CUX1: variants seen among roughly 807,000 people sequenced by gnomAD.
The protein encoded by CUX1 is cut like homeobox 1, also known as protein CASP.
A neutral mutation model predicts 158.8 loss-of-function variants in CUX1; 31 were observed. The ratio of observed to expected loss-of-function variants is 0.20; its 90% confidence interval spans 0.15 to 0.26. CUX1 has a LOEUF of 0.26. Ranked by LOEUF, CUX1 falls within the 10% of genes least tolerant of loss-of-function variation. CUX1 has a pLI of 1.00. For synonymous variants in CUX1, 879 were observed against 862.1 expected (o/e 1.02, Z -0.34); for missense variants, 1,589 against 2,014.6 (o/e 0.79, Z 4.04).
At chr7:102,179,040 T>C (rs1315195083) in intron 11 of CUX1, among the ~76,000 whole-genome samples, 1 of 152,118 alleles carries the variant, frequency 6.6e-6, no homozygotes, top group African/African-American at 2.4e-5. Flanking sequence ...TATTTGTTTA[T>C]TTATTTATTC....
intron 2 of CUX1, among the ~76,000 whole-genome samples, chr7:101,994,884 G>A (rs551448492): frequency 4.9e-5 from 7 of 141,986 alleles, no homozygotes; most frequent in African/African-American, 1.3e-4. Flanking sequence ...GAGCCCAGGA[G>A]TTCAAGACCA....
At chr7:102,163,228 ATAGT>A (rs1790647967) in intron 9 of CUX1, among the ~76,000 whole-genome samples, 4 of 152,218 alleles carry the variant, frequency 2.6e-5, no homozygotes, top group African/African-American at 9.6e-5. Flanking sequence ...GGCGGTGCCT[ATAGT>A]ACCGGCAGTT....
chr7:102,250,057 A>G lies in CUX1; in HGVS notation c.*1015A>G, dbSNP rs1190402159. 1.9e-5 allele frequency: 19 copies of G among 979,272 alleles called. No homozygotes were observed. Among genetic ancestry groups the G allele is most frequent in the African/African-American group, 5.4e-5 (3 of 55,828 alleles). The allele number at this position is 979,272 out of a possible 1,614,324, so 60.7% of individuals were successfully genotyped here. On this transcript the variant is annotated 3_prime_UTR_variant, in exon 24 of 24. Coordinates refer to ENST00000292535, the MANE Select transcript of CUX1 (RefSeq NM_181552.4). The stretch of plus-strand genomic sequence containing the variant: ...CCAAATCAGGACAAAAAAAAGAAAA[A>G]AAAAGAAAAAAAAAAAAGAAAAGAT...
chr7:102,216,709 T>TC (rs1554524932), intron 20 of CUX1, among the ~76,000 whole-genome samples: 2 of 95,368 alleles, frequency 2.1e-5, no homozygotes, highest in African/African-American at 8.8e-5. Context: ...CCACACGCAC[T>TC]CTCCACACAC....
intron 1 of CUX1, among the ~76,000 whole-genome samples, chr7:101,825,798 T>TGTGTGTGCGC (rs1362738281): frequency 3.7e-4 from 29 of 78,408 alleles, no homozygotes; most frequent in East Asian, 6.4e-4. Flanking sequence ...TGTGTGTGTG[T>TGTGTGTGCGC]GCGCGCGCGC....
At chr7:102,061,763 A>C (rs1824905187) in intron 3 of CUX1, among the ~76,000 whole-genome samples, 1 of 152,178 alleles carries the variant, frequency 6.6e-6, no homozygotes, top group Admixed American at 6.5e-5. Flanking sequence ...GGCCGGTCAC[A>C]GTGGCTCATG....
At chr7:101,874,888 T>C (rs1184649013) in intron 1 of CUX1, among the ~76,000 whole-genome samples, 1 of 152,222 alleles carries the variant, frequency 6.6e-6, no homozygotes, top group Non-Finnish European at 1.5e-5. Flanking sequence ...CATCACACCT[T>C]CTGACACCAG....
At chr7:102,161,774 AT>A (rs1303395890) in intron 9 of CUX1, among the ~76,000 whole-genome samples, 1 of 151,928 alleles carries the variant, frequency 6.6e-6, no homozygotes, top group East Asian at 1.9e-4. Context: ...TGCCCAGCTA[AT>A]TTTTATAGTT....
At chr7:102,000,951 G>A (rs1225068362) in intron 2 of CUX1, among the ~76,000 whole-genome samples, 1 of 152,054 alleles carries the variant, frequency 6.6e-6, no homozygotes, top group East Asian at 1.9e-4. Context: ...CTGTTTATTT[G>A]TATTTTTGTA....
At chr7:102,195,476 C>T (rs1367618153) in intron 13 of CUX1, 31 bp from the exon 14 acceptor site, 3 of 1,581,100 alleles carry the variant, frequency 1.9e-6, no homozygotes, top group East Asian at 2.3e-5. Context: ...TGGCCGGCCC[C>T]GCAGTGAGAC....
chr7:102,203,542 G>A (rs1009959679), intron 18 of CUX1, among the ~76,000 whole-genome samples: 1 of 152,246 alleles, frequency 6.6e-6, no homozygotes, highest in Non-Finnish European at 1.5e-5. Flanking sequence ...TTCTAGTTCA[G>A]TGTTGTAAAA....
At chr7:102,178,046 G>A (rs1470661148) in intron 10 of CUX1, among the ~76,000 whole-genome samples, 4 of 151,904 alleles carry the variant, frequency 2.6e-5, no homozygotes, top group Non-Finnish European at 4.4e-5. Context: ...TCACCACCAC[G>A]TGCCTATAAT....
chr7:102,042,503 G>A (rs1409390020), intron 3 of CUX1, among the ~76,000 whole-genome samples: 2 of 152,150 alleles, frequency 1.3e-5, no homozygotes, highest in Non-Finnish European at 1.5e-5. Flanking sequence ...CAGCTTCAAA[G>A]TCCTGGACTT....
At chr7:101,821,247 T>C (rs1584637695) in intron 1 of CUX1, among the ~76,000 whole-genome samples, 1 of 149,604 alleles carries the variant, frequency 6.7e-6, no homozygotes, top group African/African-American at 2.5e-5. Context: ...GAGAAGATAC[T>C]CCCCCCCGCC....
chr7:102,099,375 C>A (rs1554485525), intron 5 of CUX1, among the ~76,000 whole-genome samples: 1 of 152,074 alleles, frequency 6.6e-6, no homozygotes, highest in Non-Finnish European at 1.5e-5. Flanking sequence ...TTGTAGGAAG[C>A]ATTTCTTGCC....
At position 101,876,688 on chromosome 7, in the gene CUX1, C is replaced by T. The variant is rs181993571; in HGVS notation, c.31-39427C>T. Among the ~76,000 whole-genome samples, 109 of 150,430 alleles carry T rather than the reference C, an allele frequency of 7.2e-4. 1 individual carries two copies. In the East Asian group the frequency reaches 0.018, roughly 25 times the overall value. ...CTGACCTGGCAACATAGCAAAACTC[C>T]GTCTAAAAAAAAAAAGAAAAATGAA... On this transcript the variant is annotated intron_variant, in intron 1 of 23. Coordinates refer to ENST00000292535, the MANE Select transcript of CUX1 (RefSeq NM_181552.4).
intron 2 of CUX1, among the ~76,000 whole-genome samples, chr7:101,952,419 C>T (rs1809184731): frequency 1.3e-5 from 2 of 152,174 alleles, no homozygotes; most frequent in African/African-American, 2.4e-5. Flanking sequence ...CTCGGGTCTA[C>T]TCCAGACCTG....
chr7:102,112,316 A>T (rs1554490405), intron 7 of CUX1, among the ~76,000 whole-genome samples: 1 of 141,548 alleles, frequency 7.1e-6, no homozygotes, highest in African/African-American at 2.7e-5. Flanking sequence ...ATCTTGACTC[A>T]CTGCAAGCTC....
At chr7:102,030,689 G>GTGTTTTTTTTGTTTGTTTTTTGTTTTT (rs1554459456) in intron 3 of CUX1, among the ~76,000 whole-genome samples, 1 of 82,540 alleles carries the variant, frequency 1.2e-5, no homozygotes, top group Non-Finnish European at 2.1e-5. Flanking sequence ...ATTTTAAAAA[G>GTGTTTTTTTTGTTTGTTTTTTGTTTTT]TGTTTTTTTT....
Sources: gnomAD v4.1 joint callset for allele counts (sites outside exome capture counted in the v4.1 genomes callset) on GRCh38, gnomAD v4.1.1 for gene constraint, MANE v1.5 for transcripts, NCBI Gene and HGNC (gene_info 2026-07-23, HGNC 2026-07-21) for gene names.